Variants in SEMA3A observed in about 807,000 individuals in gnomAD.
SEMA3A encodes semaphorin-3A.
In SEMA3A, 29 loss-of-function variants were observed where a neutral mutation model predicts 97.9. The observed-to-expected ratio is 0.30, with a 90% CI of 0.22 to 0.40. SEMA3A has a LOEUF of 0.40. Ranked by LOEUF, SEMA3A falls within the 10% of genes least tolerant of loss-of-function variation. SEMA3A has a pLI of 1.00. For missense variants in SEMA3A, 763 were observed against 951.3 expected, an observed-to-expected ratio of 0.80 and a Z score of 2.60; for synonymous variants, 321 against 323.7, an observed-to-expected ratio of 0.99 and a Z score of 0.09.
chr7:84,001,554 A>G (rs1233037564), intron 12 of SEMA3A, among the ~76,000 whole-genome samples: 2 of 152,146 alleles, frequency 1.3e-5, no homozygotes, highest in Non-Finnish European at 2.9e-5. Context: ...AAATGTCTTC[A>G]GTATTCTGTC....
chr7:84,449,242 A>C lies in SEMA3A; in HGVS notation c.-246+43218T>G, dbSNP rs143763525. Among the ~76,000 whole-genome samples, 85 of 152,326 alleles carry C rather than the reference A, an allele frequency of 5.6e-4. 1 individual carries two copies. The highest frequency in any genetic ancestry group is 1.9e-3 in the African/African-American group (79 of 41,574). On this transcript the variant is annotated intron_variant, in intron 1 of 3. Transcript: ENST00000424555. ...AACATTTATTTGTGAATTATAGCTA[A>C]AGCAGGACTTTGAATGAAACGTATA...
At chr7:84,226,604 G>A (rs186558210) in intron 3 of SEMA3A, among the ~76,000 whole-genome samples, 1 of 152,116 alleles carries the variant, frequency 6.6e-6, no homozygotes, top group East Asian at 1.9e-4. Context: ...CCACATTGTA[G>A]TTGGGCAAAA....
intron 2 of SEMA3A, among the ~76,000 whole-genome samples, chr7:84,341,521 C>G (rs1171057106): frequency 6.6e-6 from 1 of 151,874 alleles, no homozygotes; most frequent in African/African-American, 2.4e-5. Flanking sequence ...TGCCTGAAAC[C>G]TAGGAGGCGT....
chr7:84,327,808 A>G (rs1346494871), intron 2 of SEMA3A, among the ~76,000 whole-genome samples: 1 of 152,130 alleles, frequency 6.6e-6, no homozygotes, highest in African/African-American at 2.4e-5. Flanking sequence ...GCAAGCTTCA[A>G]TGTAGAAAAG....
At chr7:84,216,042 G>A (rs976245496) in intron 3 of SEMA3A, among the ~76,000 whole-genome samples, 2 of 152,252 alleles carry the variant, frequency 1.3e-5, no homozygotes, top group South Asian at 2.1e-4. Context: ...ATTGAAAAGT[G>A]ATTCCTCTGG....
At chr7:84,265,365 T>C (rs1412198049) in intron 3 of SEMA3A, among the ~76,000 whole-genome samples, 1 of 150,904 alleles carries the variant, frequency 6.6e-6, no homozygotes, top group African/African-American at 2.4e-5. Flanking sequence ...GATCTTGAAG[T>C]AGTATTTAAC....
chr7:84,034,225 C>G (rs1791863602), intron 6 of SEMA3A, among the ~76,000 whole-genome samples: 1 of 152,108 alleles, frequency 6.6e-6, no homozygotes, highest in African/African-American at 2.4e-5. Flanking sequence ...CTCAAGGGAT[C>G]CGCCTGCCTC....
chr7:84,330,687 G>T (rs1417721499), intron 2 of SEMA3A, among the ~76,000 whole-genome samples: 3 of 151,848 alleles, frequency 2.0e-5, no homozygotes, highest in African/African-American at 7.3e-5. Flanking sequence ...TATGGTAGTT[G>T]TTTTTTATTT....
At chr7:84,091,183 A>G (rs1297947096) in intron 4 of SEMA3A, among the ~76,000 whole-genome samples, 1,463 of 71,682 alleles carry the variant, frequency 0.02, 47 homozygotes, top group South Asian at 0.034. Context: ...AAAGAAAGAA[A>G]GAAAGAAAGA....
intron 3 of SEMA3A, among the ~76,000 whole-genome samples, chr7:84,260,934 C>A (rs560929864): frequency 6.6e-6 from 1 of 152,258 alleles, no homozygotes; most frequent in East Asian, 1.9e-4. Context: ...GAGTCTGTGG[C>A]CAGGAGTGAA....
In SEMA3A at chr7:84,182,615, G is replaced by A. The variant is rs75931427; in HGVS notation, c.112+11860C>T. Among the ~76,000 whole-genome samples the A allele has an allele frequency of 5.7e-3, 873 of 152,100 alleles. 1 individual carries two copies. The highest frequency in any genetic ancestry group is 0.01 in the Non-Finnish European group (706 of 67,958). Reference sequence around the variant, plus strand: ...CCTTTCATCCTCACATTAACTTCATGTACACACTCATGTGATTCCAATGAA... The same window carrying A: ...CCTTTCATCCTCACATTAACTTCATATACACACTCATGTGATTCCAATGAA... On this transcript the variant is annotated intron_variant, in intron 1 of 16. Transcript: ENST00000265362.
At chr7:84,216,842 CA>C (rs1263885894) in intron 3 of SEMA3A, among the ~76,000 whole-genome samples, 2 of 152,016 alleles carry the variant, frequency 1.3e-5, no homozygotes, top group African/African-American at 2.4e-5. Context: ...GCTTTTAGGT[CA>C]TCACACAAAG....
Position 83,961,374 on chromosome 7 carries a change from G to C in SEMA3A, c.2313C>G (p.Val771=). The change falls in exon 17 of 17, where the codon GTC becomes GTG. Residue 771 remains valine (V), a synonymous_variant. Transcript: ENST00000265362. ...THEFERAPRS[V] ...AGGTTTCTAGAGGTAATGCAGCTCA[G>C]ACACTCCTGGGTGCCCTCTCAAATT... 1 of 1,613,254 alleles carries C rather than the reference G, an allele frequency of 6.2e-7. No homozygotes were observed. Among genetic ancestry groups the C allele is most frequent in the South Asian group, 1.1e-5 (1 of 91,062 alleles).
rs1051409075 is a variant in SEMA3A at position 83,988,328 on chromosome 7, G to T, written c.1453-2851C>A. On this transcript the variant is annotated intron_variant, in intron 12 of 16. Transcript: ENST00000265362. ...TGCTAGCTCTGCCCCTCGGGTTCAT[G>T]CCATTCTCCTGCCTCAGCCTCCCGA... 3.3e-5 allele frequency among the ~76,000 whole-genome samples: 5 copies of T among 151,726 alleles called. No individual in the cohort carries two copies. The South Asian group carries it at 1.0e-3, about 32-fold the overall frequency.
At chr7:84,161,459 T>C (rs529530169) in intron 1 of SEMA3A, among the ~76,000 whole-genome samples, 11 of 152,322 alleles carry the variant, frequency 7.2e-5, no homozygotes, top group African/African-American at 2.4e-4. Flanking sequence ...AAATCATCCC[T>C]GACACCCTCA....
intron 1 of SEMA3A, among the ~76,000 whole-genome samples, chr7:84,418,332 G>A (rs779999091): frequency 6.6e-6 from 1 of 152,026 alleles, no homozygotes; most frequent in Non-Finnish European, 1.5e-5. Flanking sequence ...ATGTGCAGGG[G>A]AACTCCACTT....
At chr7:84,047,863 T>A (rs1792414936) in intron 5 of SEMA3A, among the ~76,000 whole-genome samples, 1 of 152,042 alleles carries the variant, frequency 6.6e-6, no homozygotes, top group African/African-American at 2.4e-5. Flanking sequence ...ATGTAAAATT[T>A]ATATTCATAG....
chr7:84,096,379 G>A (rs1021520798), intron 4 of SEMA3A, among the ~76,000 whole-genome samples: 4 of 151,976 alleles, frequency 2.6e-5, no homozygotes, highest in Non-Finnish European at 5.9e-5. Context: ...AGAATTTTAT[G>A]GAAATTTTGG....
intron 4 of SEMA3A, among the ~76,000 whole-genome samples, chr7:84,097,574 G>A (rs1794814921): frequency 1.3e-5 from 2 of 152,050 alleles, no homozygotes; most frequent in African/African-American, 4.8e-5. Context: ...ATTGCTTTCA[G>A]GGACCAAAGA....
Sources: gnomAD v4.1 joint callset for allele counts (sites outside exome capture counted in the v4.1 genomes callset) on GRCh38, gnomAD v4.1.1 for gene constraint, MANE v1.5 for transcripts, NCBI Gene and HGNC (gene_info 2026-07-23, HGNC 2026-07-21) for gene names.